The following IPO7 variants were observed in gnomAD, a reference collection of about 807,000 sequenced individuals.
IPO7 encodes the protein importin 7, also known as importin-7.
Under a neutral mutation model 136.4 loss-of-function variants are expected in IPO7, and 13 were observed. The observed-to-expected ratio is 0.10, with a 90% CI of 0.06 to 0.15. IPO7 has a LOEUF of 0.15. Ranked by LOEUF, IPO7 falls within the 10% of genes least tolerant of loss-of-function variation. The pLI is 1.00. For missense variants in IPO7, 857 were observed against 1,240.6 expected, an observed-to-expected ratio of 0.69 and a Z score of 4.65; for synonymous variants, 403 against 404.4, an observed-to-expected ratio of 1.00 and a Z score of 0.04.
intron 16 of IPO7, among the ~76,000 whole-genome samples, chr11:9,432,055 T>C (rs1855301853): frequency 6.6e-6 from 1 of 152,160 alleles, no homozygotes; most frequent in African/African-American, 2.4e-5. Flanking sequence ...TAACCCCTTT[T>C]CCCTACTTCC....
At chr11:9,439,735 C>T (rs945170618) in intron 22 of IPO7, among the ~76,000 whole-genome samples, 6 of 62,702 alleles carry the variant, frequency 9.6e-5, no homozygotes, top group African/African-American at 2.6e-4. Context: ...GCCACCACAC[C>T]GGCTAATTTT....
chr11:9,393,628 C>T (rs1415175274), intron 1 of IPO7, among the ~76,000 whole-genome samples: 1 of 152,158 alleles, frequency 6.6e-6, no homozygotes, highest in Non-Finnish European at 1.5e-5. Flanking sequence ...GGTGATCCAC[C>T]CTCCTCGGCC....
chr11:9,404,990 A>G (rs1854860207), intron 2 of IPO7, among the ~76,000 whole-genome samples: 2 of 152,224 alleles, frequency 1.3e-5, no homozygotes. Context: ...TTTCATTTTC[A>G]GTGACTAAAA....
chr11:9,446,791 C>A lies in IPO7; in HGVS notation c.*1597C>A, dbSNP rs1263198364. ...TTTTTCTTGTATACCAATAATTAAGCCACTACTGTTGGCACTGTTTGGTTT... is the reference window on the plus strand; with the variant it reads ...TTTTTCTTGTATACCAATAATTAAGACACTACTGTTGGCACTGTTTGGTTT... On this transcript the variant is annotated 3_prime_UTR_variant, in exon 25 of 25. Coordinates refer to ENST00000379719, the MANE Select transcript of IPO7 (RefSeq NM_006391.3). 3 of 152,058 alleles carry A rather than the reference C, an allele frequency of 2.0e-5. No individual in the cohort carries two copies. Among genetic ancestry groups the A allele is most frequent in the Non-Finnish European group, 4.4e-5 (3 of 68,016 alleles). 9.4% of individuals were successfully genotyped at this position (152,058 alleles called of 1,614,324 possible). A position where few individuals can be genotyped will look rare whatever the true frequency, so the allele number is the denominator to read the frequency against.
chr11:9,388,577 C>CA (rs1302766740), intron 1 of IPO7, among the ~76,000 whole-genome samples: 1 of 152,076 alleles, frequency 6.6e-6, no homozygotes, highest in Non-Finnish European at 1.5e-5. Flanking sequence ...CTCTCGGGCT[C>CA]AAGCAACACT....
intron 10 of IPO7, 27 bp from the exon 11 acceptor site, chr11:9,424,887 T>C (rs1410701771): frequency 1.5e-6 from 2 of 1,343,538 alleles, no homozygotes. Flanking sequence ...TAATGTTTAT[T>C]GTCTTAATTT....
chr11:9,425,619 T>C (rs551601336), intron 12 of IPO7, among the ~76,000 whole-genome samples: 1 of 152,152 alleles, frequency 6.6e-6, no homozygotes, highest in South Asian at 2.1e-4. Context: ...CTCACGCCTG[T>C]AATCCCAGCA....
At chr11:9,436,167 G>GTAA (rs1466463023) in intron 19 of IPO7, 104 bp from the exon 20 acceptor site, 2 of 677,446 alleles carry the variant, frequency 3.0e-6, no homozygotes, top group Non-Finnish European at 5.2e-6. Context: ...GGTACCTCAA[G>GTAA]TAATACTCAG....
chr11:9,410,568 G>T (rs1854953890), intron 4 of IPO7, among the ~76,000 whole-genome samples: 1 of 142,716 alleles, frequency 7.0e-6, no homozygotes, highest in African/African-American at 2.6e-5. Flanking sequence ...TGTTTTGGGG[G>T]ATTCACACTC....
At chr11:9,410,728 T>C (rs1296936686) in intron 4 of IPO7, among the ~76,000 whole-genome samples, 1 of 152,238 alleles carries the variant, frequency 6.6e-6, no homozygotes, top group African/African-American at 2.4e-5. Flanking sequence ...GGTATAGCAC[T>C]GAGAGTGGTA....
chr11:9,400,297 A>G (rs912911833), intron 1 of IPO7, among the ~76,000 whole-genome samples: 3 of 152,114 alleles, frequency 2.0e-5, no homozygotes, highest in African/African-American at 4.8e-5. Flanking sequence ...GCAGTTATCT[A>G]TTTGGTTATC....
chr11:9,414,293 C>T lies in IPO7; in HGVS notation c.518C>T (p.Ala173Val). ...GAGGAGCGGAGTCCATTGGTAGCAG[C>T]AATGCAGCATTTTCTGCCAGTTCTA... ...KPEERSPLVA[A>V]MQHFLPVLKD... The change falls in exon 5 of 25, where the codon GCA becomes GTA. Residue 173 changes from alanine to valine, a missense_variant. Ala to Val is a moderately conservative substitution (Grantham distance 64, BLOSUM62 0). Coordinates refer to ENST00000379719, the MANE Select transcript of IPO7 (RefSeq NM_006391.3). 6.2e-7 allele frequency: 1 copy of T among 1,613,076 alleles called. No individual in the cohort carries two copies. The highest frequency in any genetic ancestry group is 1.3e-5 in the African/African-American group (1 of 75,006).
chr11:9,390,820 A>G (rs1442839592), intron 1 of IPO7, among the ~76,000 whole-genome samples: 2 of 151,880 alleles, frequency 1.3e-5, no homozygotes, highest in African/African-American at 4.8e-5. Flanking sequence ...CCCAGGCTGG[A>G]ATGCAGTGGC....
intron 3 of IPO7, among the ~76,000 whole-genome samples, chr11:9,409,063 G>A (rs1275578048): frequency 6.6e-6 from 1 of 150,640 alleles, no homozygotes; most frequent in African/African-American, 2.4e-5. Flanking sequence ...TGTTTTTTTT[G>A]TAGCAGAAAA....
chr11:9,447,938 T>G lies in IPO7; in HGVS notation c.*2744T>G, dbSNP rs569594250. On this transcript the variant is annotated 3_prime_UTR_variant, in exon 25 of 25. Transcript: ENST00000379719. ...CAGCCCTTGGGCCATATGCTGCTAT[T>G]CAGTCCCAGATGTAGCCCCTGAAGC... is the stretch of plus-strand genomic sequence containing the variant. 2 of 152,296 alleles carry G rather than the reference T, an allele frequency of 1.3e-5. No individual in the cohort carries two copies. The highest frequency in any genetic ancestry group is 1.3e-4 in the Admixed American group (2 of 15,286). The allele number at this position is 152,296 out of a possible 1,614,324, so 9.4% of individuals were successfully genotyped here.
At chr11:9,414,922 C>T (rs1037246280) in intron 5 of IPO7, among the ~76,000 whole-genome samples, 15 of 151,790 alleles carry the variant, frequency 9.9e-5, no homozygotes, top group Admixed American at 8.5e-4. Context: ...CCGTGCTTGG[C>T]CCCTAATAAA....
Position 9,434,647 on chromosome 11 carries a change from A to G in IPO7, c.2075-287A>G, listed in dbSNP as rs972517400. Among the ~76,000 whole-genome samples the G allele has an allele frequency of 2.6e-5, 4 of 152,292 alleles. No homozygotes were observed. In the East Asian group the frequency reaches 5.8e-4, roughly 22 times the overall value. ...CTCTAAAAAAAACTTTTAAAAATTA[A>G]TCAGGCGAGGTGGCGTGTGCCTATA... On this transcript the variant is annotated intron_variant, in intron 18 of 24. Coordinates refer to ENST00000379719, the MANE Select transcript of IPO7 (RefSeq NM_006391.3).
At position 9,428,545 on chromosome 11, in the gene IPO7, G is replaced by T. The variant is rs766405773; in HGVS notation, c.1341G>T (p.Lys447Asn). Residue 447 changes from lysine (K) to asparagine (N), a missense_variant, in exon 13 of 25, where the codon AAG becomes AAT. This residue lies in a region of IPO7 where 127 missense variants were observed against 222.4 expected (regional missense o/e 0.57). Coordinates refer to ENST00000379719, the MANE Select transcript of IPO7 (RefSeq NM_006391.3). ...GSLAEILLKK[K>N]IYKDQMEYML... is the part of the protein sequence containing the mutation. The stretch of plus-strand genomic sequence containing the variant: ...ACTGTTGTTTATATTTACAGAAAAA[G>T]ATCTATAAAGATCAGATGGAATACA... 3.5e-6 allele frequency: 5 copies of T among 1,426,204 alleles called. No homozygotes were observed. The highest frequency in any genetic ancestry group is 1.4e-5 in the African/African-American group (1 of 69,810). 88.3% of individuals were successfully genotyped at this position (1,426,204 alleles called of 1,614,324 possible). A position where few individuals can be genotyped will look rare whatever the true frequency, so the allele number is the denominator to read the frequency against.
At chr11:9,420,342 C>G in intron 6 of IPO7, 69 bp from the exon 7 acceptor site, 1 of 999,208 alleles carries the variant, frequency 1.0e-6, no homozygotes, top group Non-Finnish European at 1.5e-6. Flanking sequence ...TTTTGTCAAT[C>G]TATTCTCATC....
Sources: allele counts gnomAD v4.1 joint callset (sites outside exome capture counted in the v4.1 genomes callset), GRCh38; gene constraint gnomAD v4.1.1; regional missense constraint gnomAD v4.1.1; transcripts MANE v1.5; gene names NCBI Gene and HGNC (gene_info 2026-07-23, HGNC 2026-07-21).